The following FERMT2 variants were observed in gnomAD, a reference collection of about 807,000 sequenced individuals.
The protein encoded by FERMT2 is FERM domain containing kindlin 2.
Under a neutral mutation model 82.7 loss-of-function variants are expected in FERMT2, and 15 were observed. That is an observed-to-expected ratio of 0.18 (90% CI 0.12 to 0.28). The LOEUF is 0.28. Among genes scored for constraint, FERMT2 ranks in the 10% least tolerant of loss-of-function variants. FERMT2 has a pLI of 1.00. For missense variants in FERMT2, 645 were observed against 809.4 expected, an observed-to-expected ratio of 0.80 and a Z score of 2.46; for synonymous variants, 274 against 271.5, an observed-to-expected ratio of 1.01 and a Z score of -0.09.
At chr14:52,903,475 T>C (rs1053891293) in intron 3 of FERMT2, among the ~76,000 whole-genome samples, 1 of 151,802 alleles carries the variant, frequency 6.6e-6, no homozygotes, top group African/African-American at 2.4e-5. Flanking sequence ...GAGTTAGAGA[T>C]TAGAGTGAGC....
intron 9 of FERMT2, chr14:52,873,676 T>C (rs1885769377): frequency 6.6e-6 from 1 of 152,608 alleles, no homozygotes; most frequent in Admixed American, 6.5e-5. Context: ...TTTTCCTTTT[T>C]CTCCTCTCTG....
At chr14:52,903,674 T>G (rs964479800) in intron 3 of FERMT2, among the ~76,000 whole-genome samples, 9 of 152,134 alleles carry the variant, frequency 5.9e-5, no homozygotes, top group Admixed American at 5.9e-4. Flanking sequence ...GATCCAACAA[T>G]TCTATCAAAG....
At chr14:52,915,984 A>G (rs545884753) in intron 3 of FERMT2, among the ~76,000 whole-genome samples, 68 of 152,336 alleles carry the variant, frequency 4.5e-4, no homozygotes, top group Admixed American at 1.3e-3. Flanking sequence ...CAACCAAGAT[A>G]TCGTTTGGTG....
intron 10 of FERMT2, among the ~76,000 whole-genome samples, chr14:52,867,703 C>A (rs1185699152): frequency 1.3e-5 from 2 of 152,144 alleles, no homozygotes; most frequent in Non-Finnish European, 2.9e-5. Context: ...ATCCCACAGG[C>A]ACCTCAAATT....
intron 4 of FERMT2, among the ~76,000 whole-genome samples, chr14:52,885,161 A>C (rs1250446520): frequency 1.3e-5 from 2 of 151,492 alleles, no homozygotes; most frequent in Admixed American, 6.6e-5. Context: ...AAAAATACAA[A>C]AATTAGCCAG....
At chr14:52,872,963 G>A (rs199622592) in intron 9 of FERMT2, 40 bp from the exon 10 acceptor site, 26 of 1,599,102 alleles carry the variant, frequency 1.6e-5, no homozygotes, top group Non-Finnish European at 2.2e-5. Flanking sequence ...TCACTTGGAA[G>A]TAACTTTATT....
intron 3 of FERMT2, among the ~76,000 whole-genome samples, chr14:52,910,179 T>A (rs547114874): frequency 1.3e-5 from 2 of 152,346 alleles, no homozygotes; most frequent in South Asian, 2.1e-4. Context: ...ATTACAAAAA[T>A]TTTTTAAACA....
chr14:52,936,910 T>C (rs1889861801), intron 2 of FERMT2, among the ~76,000 whole-genome samples: 1 of 151,942 alleles, frequency 6.6e-6, no homozygotes, highest in South Asian at 2.1e-4. Context: ...ATCCCAACAC[T>C]CTGGGAGGCT....
intron 3 of FERMT2, among the ~76,000 whole-genome samples, chr14:52,907,270 T>G (rs1888069593): frequency 1.3e-5 from 2 of 152,090 alleles, no homozygotes; most frequent in Admixed American, 1.3e-4. Flanking sequence ...CCTCCCAAAG[T>G]GCTGGGACTA....
chr14:52,902,845 G>A lies in FERMT2; in HGVS notation c.392-9418C>T, dbSNP rs539367674. On this transcript the variant is annotated intron_variant, in intron 3 of 14. Coordinates refer to ENST00000341590, the MANE Select transcript of FERMT2 (RefSeq NM_006832.3). ...GGTCACACCACTGTACTCCAGCCTGGGTGGCTGAGCAAGACTCCGTCTCAA... is the reference window on the plus strand; with the variant it reads ...GGTCACACCACTGTACTCCAGCCTGAGTGGCTGAGCAAGACTCCGTCTCAA... 1.2e-4 allele frequency among the ~76,000 whole-genome samples: 12 copies of A among 96,356 alleles called. No homozygotes were observed. The East Asian group carries it at 2.2e-3, about 18-fold the overall frequency. The allele number at this position is 96,356 out of a possible 152,430, so 63.2% of individuals were successfully genotyped here.
At position 52,872,300 on chromosome 14, in the gene FERMT2, A is replaced by C. The variant is rs138875573; in HGVS notation, c.1273+499T>G. 987 of 154,434 alleles carry C rather than the reference A, an allele frequency of 6.4e-3. 35 individuals are homozygous for C. Among genetic ancestry groups the C allele is most frequent in the Admixed American group, 0.059 (917 of 15,478 alleles). The allele number at this position is 154,434 out of a possible 1,614,324, so 9.6% of individuals were successfully genotyped here. On this transcript the variant is annotated intron_variant, in intron 10 of 14. Transcript: ENST00000341590. ...GCTTGGTGTGGTGGCTCACGCCTGT[A>C]ATCTCAGCACTTTGGGAGGCTAAGG...
intron 13 of FERMT2, chr14:52,860,059 C>T (rs1884828324): frequency 9.6e-6 from 3 of 312,186 alleles, no homozygotes; most frequent in Non-Finnish European, 1.2e-5. Flanking sequence ...CCTCGTGATC[C>T]ACCCACCTCG....
intron 2 of FERMT2, among the ~76,000 whole-genome samples, chr14:52,924,732 C>T (rs1439922535): frequency 6.6e-6 from 1 of 151,908 alleles, no homozygotes; most frequent in African/African-American, 2.4e-5. Context: ...AGAATAATAG[C>T]GATCAATAGA....
At chr14:52,927,251 C>T (rs1471015714) in intron 2 of FERMT2, among the ~76,000 whole-genome samples, 1 of 151,964 alleles carries the variant, frequency 6.6e-6, no homozygotes, top group Non-Finnish European at 1.5e-5. Flanking sequence ...CAGTGCTCTC[C>T]CACTCCATGA....
chr14:52,886,829 G>T (rs1478744069), intron 4 of FERMT2, among the ~76,000 whole-genome samples: 1 of 152,106 alleles, frequency 6.6e-6, no homozygotes, highest in Non-Finnish European at 1.5e-5. Context: ...TCTTGAGAAG[G>T]AGTAGCCAGG....
intron 12 of FERMT2, chr14:52,863,813 T>G (rs958002598): frequency 5.3e-5 from 8 of 152,306 alleles, no homozygotes; most frequent in Non-Finnish European, 1.0e-4. Context: ...TGGCTGCACT[T>G]TATGTCACAT....
intron 2 of FERMT2, among the ~76,000 whole-genome samples, chr14:52,930,564 C>T (rs950607135): frequency 6.6e-6 from 1 of 152,176 alleles, no homozygotes; most frequent in Non-Finnish European, 1.5e-5. Flanking sequence ...GTGAGGGAGA[C>T]AATGGCTTCC....
chr14:52,919,325 G>C lies in FERMT2; in HGVS notation c.189C>G (p.Leu63=). The C allele has an allele frequency of 2.5e-6, 4 of 1,613,638 alleles. No individual in the cohort carries two copies. The highest frequency in any genetic ancestry group is 3.4e-6 in the Non-Finnish European group (4 of 1,179,682). Residue 63 remains leucine (L), a synonymous_variant, in exon 3 of 15, where the codon CTC becomes CTG. Coordinates refer to ENST00000341590, the MANE Select transcript of FERMT2 (RefSeq NM_006832.3). The stretch of plus-strand genomic sequence containing the variant: ...GCCAAGTTCTCTTCTTTTCCCACCA[G>C]AGAGCATGGTCAGACCAATCTTTTT... ...DVKKDWSDHA[L]WWEKKRTWLL... is the part of the protein sequence containing the mutation.
At chr14:52,889,534 C>T (rs1886807743) in intron 4 of FERMT2, among the ~76,000 whole-genome samples, 1 of 152,080 alleles carries the variant, frequency 6.6e-6, no homozygotes, top group Admixed American at 6.6e-5. Flanking sequence ...CAGGAACAGC[C>T]CAATGATGCA....
Sources: allele counts gnomAD v4.1 joint callset (sites outside exome capture counted in the v4.1 genomes callset), GRCh38; gene constraint gnomAD v4.1.1; transcripts MANE v1.5; gene names NCBI Gene and HGNC (gene_info 2026-07-23, HGNC 2026-07-21).